GSG1L: variants seen among roughly 807,000 people sequenced by gnomAD.
GSG1L encodes GSG1 like, also known as germ cell-specific gene 1-like protein.
Under a neutral mutation model 42.1 loss-of-function variants are expected in GSG1L, and 24 were observed. That is an observed-to-expected ratio of 0.57 (90% CI 0.41 to 0.80). GSG1L has a LOEUF of 0.80. GSG1L is among the 30% of genes least tolerant of loss of function. The pLI is 0.00. For synonymous variants in GSG1L, 215 were observed against 203.5 expected, an observed-to-expected ratio of 1.06 and a Z score of -0.48; for missense variants, 445 against 472.2, an observed-to-expected ratio of 0.94 and a Z score of 0.53.
chr16:27,827,909 CCT>C, intron 5 of GSG1L, among the ~76,000 whole-genome samples: 1 of 85,402 alleles, frequency 1.2e-5, no homozygotes, highest in African/African-American at 3.7e-5. Context: ...CATCCCTTCA[CCT>C]ACCCATCCAC....
chr16:28,005,177 G>C (rs565247375), intron 1 of GSG1L, among the ~76,000 whole-genome samples: 1 of 152,030 alleles, frequency 6.6e-6, no homozygotes, highest in African/African-American at 2.4e-5. Context: ...GCAATGGTGC[G>C]ATCTCAGCTC....
At chr16:27,948,919 A>G (rs982669702) in intron 2 of GSG1L, among the ~76,000 whole-genome samples, 1 of 147,640 alleles carries the variant, frequency 6.8e-6, no homozygotes, top group African/African-American at 2.5e-5. Flanking sequence ...TATTATTATT[A>G]TTATTATTAT....
At chr16:28,019,942 C>T (rs902174800) in intron 1 of GSG1L, among the ~76,000 whole-genome samples, 7 of 152,242 alleles carry the variant, frequency 4.6e-5, no homozygotes, top group Admixed American at 6.5e-5. Context: ...CCTGGTTCTT[C>T]ATACCCTTGG....
chr16:28,037,537 T>C (rs2086054459), intron 1 of GSG1L, among the ~76,000 whole-genome samples: 2 of 152,136 alleles, frequency 1.3e-5, no homozygotes. Context: ...AGACAGACCA[T>C]CACCTCCCTC....
chr16:27,795,531 T>C (rs1014880835), intron 6 of GSG1L, among the ~76,000 whole-genome samples: 1 of 152,210 alleles, frequency 6.6e-6, no homozygotes, highest in Non-Finnish European at 1.5e-5. Context: ...AGAGAAACCC[T>C]TCACTGTCCA....
At position 28,063,004 on chromosome 16, in the gene GSG1L, G is replaced by C; in HGVS notation, c.349+72C>G. 7.9e-7 allele frequency: 1 copy of C among 1,273,306 alleles called. No homozygotes were observed. The highest frequency in any genetic ancestry group is 2.8e-4 in the Middle Eastern group (1 of 3,540). The allele number at this position is 1,273,306 out of a possible 1,614,324, so 78.9% of individuals were successfully genotyped here. On this transcript the variant is annotated intron_variant, in intron 1 of 6. Coordinates refer to ENST00000447459, the MANE Select transcript of GSG1L (RefSeq NM_001109763.2). This position sits in a 1 kb window ranked among gnomAD's most constrained non-coding sequence, Gnocchi z 5.8. ...GCGGGAGGAGGGCGAACGGGTCCGG[G>C]GCTCGGGCCTCGATGGCCGCGCCGC...
intron 2 of GSG1L, among the ~76,000 whole-genome samples, chr16:27,898,616 G>A (rs546915396): frequency 2.0e-5 from 3 of 151,162 alleles, no homozygotes; most frequent in Non-Finnish European, 4.4e-5. Flanking sequence ...TAGCCAAAAG[G>A]CCAAGAAGTG....
chr16:27,888,511 CTTTCTTTCTTT>C lies in GSG1L; in HGVS notation c.398-3884_398-3874del. On this transcript the variant is annotated intron_variant, in intron 2 of 6. Coordinates refer to ENST00000447459, the MANE Select transcript of GSG1L (RefSeq NM_001109763.2). The stretch of plus-strand genomic sequence containing the variant: ...TCTTTCTTTCTTTCTTTCTTTCTTT[CTTTCTTTCTTT>C]CTTTCTTTCTTTCTTTCTTTCTTTC... Among the ~76,000 whole-genome samples, 47 of 14,144 alleles carry C rather than the reference CTTTCTTTCTTT, an allele frequency of 3.3e-3. 6 individuals are homozygous for C. Among genetic ancestry groups the C allele is most frequent in the Admixed American group, 8.3e-3 (7 of 846 alleles). 9.3% of individuals were successfully genotyped at this position (14,144 alleles called of 152,430 possible).
chr16:27,961,624 T>G (rs986016474), intron 2 of GSG1L, among the ~76,000 whole-genome samples: 10 of 152,232 alleles, frequency 6.6e-5, no homozygotes, highest in African/African-American at 2.4e-4. Flanking sequence ...CTTGGCACTG[T>G]ATCCGGCACA....
At chr16:28,025,216 A>T (rs1225388167) in intron 1 of GSG1L, among the ~76,000 whole-genome samples, 1 of 152,100 alleles carries the variant, frequency 6.6e-6, no homozygotes, top group Non-Finnish European at 1.5e-5. Context: ...TGCCCAGGAG[A>T]TGTGCACTGC....
At chr16:28,031,816 A>T (rs2085967423) in intron 1 of GSG1L, among the ~76,000 whole-genome samples, 1 of 152,234 alleles carries the variant, frequency 6.6e-6, no homozygotes, top group African/African-American at 2.4e-5. Context: ...CACTTTCTGA[A>T]TGTGCGTAGA....
Position 27,881,238 on chromosome 16 carries a change from CTT to C in GSG1L, c.550+3246_550+3247del, listed in dbSNP as rs149874320. Among the ~76,000 whole-genome samples the C allele has an allele frequency of 5.2e-3, 553 of 106,950 alleles. 2 individuals carry two copies. The highest frequency in any genetic ancestry group is 0.019 in the African/African-American group (531 of 28,692). 70.2% of individuals were successfully genotyped at this position (106,950 alleles called of 152,430 possible). On this transcript the variant is annotated intron_variant, in intron 3 of 6. Transcript: ENST00000447459. ...AGTGGAAACTTTAATAAGTATCATA[CTT>C]TTTTTTTTTTTTTTTTTTTGAGATG...
chr16:27,803,777 A>C (rs1458492605), intron 6 of GSG1L, among the ~76,000 whole-genome samples: 1 of 71,484 alleles, frequency 1.4e-5, no homozygotes, highest in Non-Finnish European at 2.6e-5. Flanking sequence ...ATATATATAT[A>C]TATATATATA....
At chr16:28,024,861 C>G (rs571932850) in intron 1 of GSG1L, among the ~76,000 whole-genome samples, 2 of 152,220 alleles carry the variant, frequency 1.3e-5, no homozygotes, top group Admixed American at 1.3e-4. Context: ...AGGGCTGCAT[C>G]GAGCCCATCC....
At chr16:27,820,949 C>G (rs1432246667) in intron 5 of GSG1L, among the ~76,000 whole-genome samples, 1 of 152,174 alleles carries the variant, frequency 6.6e-6, no homozygotes, top group Non-Finnish European at 1.5e-5. Context: ...GTCGGCCCCT[C>G]CTGGCCTTTG....
At position 27,788,603 on chromosome 16, in the gene GSG1L, T is replaced by G. The variant is rs984951737; in HGVS notation, c.*2767A>C. ...AATGTACTTTCTTTCCCTGCTATAC[T>G]CTTGCCTGGCTGATGCCCAGACAAT... On this transcript the variant is annotated 3_prime_UTR_variant, in exon 7 of 7. Coordinates refer to ENST00000447459, the MANE Select transcript of GSG1L (RefSeq NM_001109763.2). 2.0e-5 allele frequency: 3 copies of G among 152,232 alleles called. No homozygotes were observed. Among genetic ancestry groups the G allele is most frequent in the Non-Finnish European group, 2.9e-5 (2 of 68,044 alleles). 9.4% of individuals were successfully genotyped at this position (152,232 alleles called of 1,614,324 possible).
At chr16:27,940,505 A>G (rs1284087256) in intron 2 of GSG1L, among the ~76,000 whole-genome samples, 1 of 141,380 alleles carries the variant, frequency 7.1e-6, no homozygotes, top group Non-Finnish European at 1.6e-5. Flanking sequence ...CATATACACC[A>G]TGGAATACTA....
chr16:27,992,113 T>C (rs2085463938), intron 1 of GSG1L, among the ~76,000 whole-genome samples: 1 of 152,190 alleles, frequency 6.6e-6, no homozygotes, highest in South Asian at 2.1e-4. Flanking sequence ...GTCAAGATGC[T>C]TATCTAACCT....
At chr16:27,833,198 C>T (rs539076305) in intron 4 of GSG1L, among the ~76,000 whole-genome samples, 19 of 152,304 alleles carry the variant, frequency 1.2e-4, no homozygotes, top group Non-Finnish European at 2.2e-4. Flanking sequence ...AGCTCCAGCA[C>T]CATTTGTTGA....
Sources: allele counts gnomAD v4.1 joint callset (sites outside exome capture counted in the v4.1 genomes callset), GRCh38; gene constraint gnomAD v4.1.1; non-coding constraint Gnocchi (gnomAD v3.1); transcripts MANE v1.5; gene names NCBI Gene and HGNC (gene_info 2026-07-23, HGNC 2026-07-21).